Variants in CIMAP3 observed in about 807,000 individuals in gnomAD.
CIMAP3 encodes ciliary microtubule-associated protein 3.
chr1:111,329,476 G>T, the CIMAP3 span, among the ~76,000 whole-genome samples: 1 of 140,872 alleles, frequency 7.1e-6, no homozygotes, highest in Non-Finnish European at 1.5e-5. Context: ...CCCTTTCAGG[G>T]ATGCCAATGA....
At chr1:111,328,277 C>T in the CIMAP3 span, among the ~76,000 whole-genome samples, 5 of 151,964 alleles carry the variant, frequency 3.3e-5, no homozygotes, top group African/African-American at 1.2e-4. Context: ...ATTATGTGGT[C>T]GATTTTAGAG....
the CIMAP3 span, among the ~76,000 whole-genome samples, chr1:111,331,394 T>C: frequency 1.3e-5 from 2 of 152,222 alleles, no homozygotes; most frequent in African/African-American, 4.8e-5. Context: ...TAATTCTTTC[T>C]TCTTTTATTT....
the CIMAP3 span, chr1:111,352,816 G>A: frequency 2.0e-5 from 3 of 152,090 alleles, no homozygotes; most frequent in African/African-American, 7.2e-5. Flanking sequence ...GGATATTGAT[G>A]GGGGTGGAGG....
chr1:111,349,934 C>A, the CIMAP3 span: 1 of 558,054 alleles, frequency 1.8e-6, no homozygotes. Flanking sequence ...ACGCTAACAT[C>A]TAACTCGAAA....
At chr1:111,331,470 T>C in the CIMAP3 span, among the ~76,000 whole-genome samples, 1 of 152,208 alleles carries the variant, frequency 6.6e-6, no homozygotes, top group African/African-American at 2.4e-5. Context: ...TTCTACTTAG[T>C]CCAGTCTGTT....
the CIMAP3 span, among the ~76,000 whole-genome samples, chr1:111,336,126 C>T: frequency 6.6e-6 from 1 of 152,210 alleles, no homozygotes; most frequent in Non-Finnish European, 1.5e-5. Flanking sequence ...TCCAACAGAC[C>T]TGCAGCTGAG....
chr1:111,341,876 T>C, the CIMAP3 span, among the ~76,000 whole-genome samples: 2 of 144,228 alleles, frequency 1.4e-5, no homozygotes, highest in African/African-American at 5.1e-5. Context: ...TATTTGGTGA[T>C]ATAAAATAAT....
chr1:111,336,015 C>T, the CIMAP3 span, among the ~76,000 whole-genome samples: 8 of 152,310 alleles, frequency 5.3e-5, no homozygotes, highest in African/African-American at 1.4e-4. Flanking sequence ...TCCAGAGGAA[C>T]GATCAGACAG....
chr1:111,347,953 A>ATATGT, the CIMAP3 span, among the ~76,000 whole-genome samples: 2 of 152,262 alleles, frequency 1.3e-5, no homozygotes, highest in African/African-American at 4.8e-5. Flanking sequence ...AACATTGCAA[A>ATATGT]TATGCGTGTG....
the CIMAP3 span, chr1:111,346,879 C>T: frequency 6.2e-7 from 1 of 1,609,228 alleles, no homozygotes; most frequent in South Asian, 1.1e-5. Context: ...AGGTGCCGTC[C>T]CTCACGTGGA....
chr1:111,339,415 G>A, the CIMAP3 span, among the ~76,000 whole-genome samples: 4 of 149,716 alleles, frequency 2.7e-5, no homozygotes, highest in Non-Finnish European at 5.9e-5. Context: ...AAGTCAAATT[G>A]TCCCTGTTTG....
At chr1:111,329,894 AT>A in the CIMAP3 span, among the ~76,000 whole-genome samples, 7 of 151,172 alleles carry the variant, frequency 4.6e-5, no homozygotes, top group Non-Finnish European at 1.0e-4. Context: ...ATTCCTTTTC[AT>A]TTTTTTCTTT....
chr1:111,351,171 T>G, the CIMAP3 span: 18 of 506,474 alleles, frequency 3.6e-5, no homozygotes, highest in Admixed American at 1.7e-4. Flanking sequence ...GTACAGTTTT[T>G]TTTTTTTTTT....
chr1:111,350,959 G>T, the CIMAP3 span, among the ~76,000 whole-genome samples: 1 of 152,112 alleles, frequency 6.6e-6, no homozygotes, highest in South Asian at 2.1e-4. Flanking sequence ...ATTGCATTAG[G>T]GCCTATGGGC....
the CIMAP3 span, among the ~76,000 whole-genome samples, chr1:111,335,864 C>T: frequency 2.0e-5 from 3 of 152,354 alleles, no homozygotes; most frequent in Admixed American, 2.0e-4. Flanking sequence ...TCCCAGCACG[C>T]AGCTGGAGAT....
chr1:111,326,639 T>C, the CIMAP3 span, among the ~76,000 whole-genome samples: 1 of 152,178 alleles, frequency 6.6e-6, no homozygotes, highest in Non-Finnish European at 1.5e-5. Context: ...ATATGGTAGT[T>C]CTATTTTTAG....
At chr1:111,330,818 A>T in the CIMAP3 span, among the ~76,000 whole-genome samples, 1 of 152,228 alleles carries the variant, frequency 6.6e-6, no homozygotes, top group African/African-American at 2.4e-5. Flanking sequence ...CACTCAGTGC[A>T]ATCAGCCCAG....
At chr1:111,349,781 A>G in the CIMAP3 span, 7,987 of 202,388 alleles carry the variant, frequency 0.039, 267 homozygotes, top group East Asian at 0.14. Flanking sequence ...CTAATTCATC[A>G]CTGCTTTAGA....
At chr1:111,350,830 A>G in the CIMAP3 span, among the ~76,000 whole-genome samples, 1 of 152,264 alleles carries the variant, frequency 6.6e-6, no homozygotes, top group Non-Finnish European at 1.5e-5. Flanking sequence ...ACAGTACTTG[A>G]TAACATAGTA....
Sources: allele counts gnomAD v4.1 joint callset (sites outside exome capture counted in the v4.1 genomes callset), GRCh38; gene constraint gnomAD v4.1.1; transcripts MANE v1.5; gene names NCBI Gene and HGNC (gene_info 2026-07-23, HGNC 2026-07-21).